The following CNTNAP2 variants were observed in gnomAD, a reference collection of about 807,000 sequenced individuals.
CNTNAP2 encodes contactin-associated protein-like 2.
A neutral mutation model predicts 155.2 loss-of-function variants in CNTNAP2; 98 were observed. That is an observed-to-expected ratio of 0.63 (90% confidence interval 0.54 to 0.75). The LOEUF is 0.75. CNTNAP2 is among the 30% of genes least tolerant of loss of function. The pLI, the probability that CNTNAP2 is intolerant of heterozygous loss-of-function variation, is 0.00. For missense variants in CNTNAP2, 1,727 were observed against 1,688.1 expected, an observed-to-expected ratio of 1.02 and a Z score of -0.40; for synonymous variants, 651 against 631.2, an observed-to-expected ratio of 1.03 and a Z score of -0.47.
intron 1 of CNTNAP2, among the ~76,000 whole-genome samples, chr7:146,255,179 A>G (rs112113681): frequency 0.041 from 6,314 of 152,240 alleles, 401 homozygotes; most frequent in African/African-American, 0.14. Flanking sequence ...GCATAGAGAG[A>G]CAGCATTGTT....
chr7:146,594,725 G>A (rs532850341), intron 1 of CNTNAP2, among the ~76,000 whole-genome samples: 6 of 152,098 alleles, frequency 3.9e-5, no homozygotes, highest in East Asian at 1.9e-4. Flanking sequence ...GTAATTTTGC[G>A]TCCTCTCATC....
chr7:147,620,777 G>A (rs1169283171), intron 12 of CNTNAP2, among the ~76,000 whole-genome samples: 1 of 152,046 alleles, frequency 6.6e-6, no homozygotes, highest in Non-Finnish European at 1.5e-5. Context: ...AAATCTAAGA[G>A]TTATTGGCCA....
At chr7:147,960,191 T>C (rs986262177) in intron 14 of CNTNAP2, among the ~76,000 whole-genome samples, 7 of 152,132 alleles carry the variant, frequency 4.6e-5, no homozygotes, top group African/African-American at 1.7e-4. Context: ...TATAACATAG[T>C]GTTCCTGCAT....
chr7:147,889,989 G>A (rs1342424600), intron 13 of CNTNAP2, among the ~76,000 whole-genome samples: 1 of 152,194 alleles, frequency 6.6e-6, no homozygotes, highest in East Asian at 1.9e-4. Flanking sequence ...CATAAATCCT[G>A]TTTTCTATGA....
At chr7:147,792,820 A>G (rs187742855) in intron 13 of CNTNAP2, among the ~76,000 whole-genome samples, 164 of 152,258 alleles carry the variant, frequency 1.1e-3, no homozygotes, top group Non-Finnish European at 2.0e-3. Flanking sequence ...CCCCATCAAC[A>G]GTGTATAAAG....
intron 13 of CNTNAP2, among the ~76,000 whole-genome samples, chr7:147,880,629 A>C (rs1054090630): frequency 1.3e-5 from 2 of 152,114 alleles, no homozygotes; most frequent in African/African-American, 4.8e-5. Context: ...GTTAAGACTA[A>C]CAGAAATAGC....
chr7:147,051,220 A>C (rs1482178943), intron 4 of CNTNAP2, among the ~76,000 whole-genome samples: 2 of 149,104 alleles, frequency 1.3e-5, no homozygotes, highest in Non-Finnish European at 3.0e-5. Flanking sequence ...TTAAGAATTT[A>C]TGTTTACATC....
At chr7:148,205,973 T>G (rs1259241106) in intron 18 of CNTNAP2, among the ~76,000 whole-genome samples, 1 of 151,974 alleles carries the variant, frequency 6.6e-6, no homozygotes, top group East Asian at 1.9e-4. Flanking sequence ...GCACGCTTAT[T>G]TGCAAAAGAC....
intron 8 of CNTNAP2, among the ~76,000 whole-genome samples, chr7:147,135,683 C>G (rs1046141069): frequency 1.3e-5 from 2 of 151,152 alleles, no homozygotes; most frequent in Non-Finnish European, 3.0e-5. Flanking sequence ...ATGTCATACC[C>G]AAAACCTACT....
At chr7:146,181,471 A>G (rs558826436) in intron 1 of CNTNAP2, among the ~76,000 whole-genome samples, 1 of 152,296 alleles carries the variant, frequency 6.6e-6, no homozygotes, top group African/African-American at 2.4e-5. Context: ...AACATTTGCA[A>G]ATCTTAAGTG....
chr7:146,855,070 A>T (rs1228025030), intron 3 of CNTNAP2, among the ~76,000 whole-genome samples: 1 of 152,192 alleles, frequency 6.6e-6, no homozygotes, highest in African/African-American at 2.4e-5. Flanking sequence ...AATATATAAA[A>T]TTGTGTTTAC....
chr7:146,618,891 G>A (rs1398796255), intron 1 of CNTNAP2, among the ~76,000 whole-genome samples: 5 of 151,966 alleles, frequency 3.3e-5, no homozygotes, highest in African/African-American at 7.2e-5. Context: ...CCAACATGGT[G>A]AAACCCTGTC....
intron 1 of CNTNAP2, among the ~76,000 whole-genome samples, chr7:146,465,891 C>G (rs1438090234): frequency 6.6e-6 from 1 of 151,980 alleles, no homozygotes; most frequent in Non-Finnish European, 1.5e-5. Flanking sequence ...ATCACATATA[C>G]GGTGTATGAA....
intron 8 of CNTNAP2, among the ~76,000 whole-genome samples, chr7:147,278,127 CAAA>C (rs58102021): frequency 0.018 from 2,480 of 138,534 alleles, 57 homozygotes; most frequent in African/African-American, 0.053. Context: ...GGAAACCATG[CAAA>C]AAAAAAAAAA....
chr7:147,689,066 GAATTAA>G (rs1274851526), intron 13 of CNTNAP2, among the ~76,000 whole-genome samples: 1 of 151,472 alleles, frequency 6.6e-6, no homozygotes, highest in East Asian at 1.9e-4. Flanking sequence ...ACCAGTCCTT[GAATTAA>G]AATTAAATAT....
intron 11 of CNTNAP2, among the ~76,000 whole-genome samples, chr7:147,540,401 A>G (rs17170586): frequency 0.19 from 28,796 of 152,150 alleles, 3,066 homozygotes; most frequent in East Asian, 0.37. Context: ...CAGAGGTCAC[A>G]TTTGTTCTGT....
At chr7:147,441,252 C>A (rs1478632623) in intron 10 of CNTNAP2, among the ~76,000 whole-genome samples, 1 of 151,998 alleles carries the variant, frequency 6.6e-6, no homozygotes, top group Non-Finnish European at 1.5e-5. Context: ...GACTCTGATG[C>A]ATTCTTCAGT....
intron 1 of CNTNAP2, among the ~76,000 whole-genome samples, chr7:146,314,022 T>C (rs1431679470): frequency 1.3e-5 from 2 of 152,090 alleles, no homozygotes; most frequent in Non-Finnish European, 2.9e-5. Flanking sequence ...TGTATATATA[T>C]ATAAATTGAT....
At chr7:146,176,806 T>TA (rs1420064564) in intron 1 of CNTNAP2, among the ~76,000 whole-genome samples, 1 of 152,206 alleles carries the variant, frequency 6.6e-6, no homozygotes, top group Non-Finnish European at 1.5e-5. Flanking sequence ...AAATTGGATT[T>TA]AAAAAATTTA....
Sources: gnomAD v4.1 joint callset for allele counts (sites outside exome capture counted in the v4.1 genomes callset) on GRCh38, gnomAD v4.1.1 for gene constraint, MANE v1.5 for transcripts, NCBI Gene and HGNC (gene_info 2026-07-23, HGNC 2026-07-21) for gene names.